Variants in NAA38 observed in about 807,000 individuals in gnomAD.
The protein encoded by NAA38 is N-alpha-acetyltransferase 38, NatC auxiliary subunit, also known as LSM domain containing 1.
Under a neutral mutation model 12.6 loss-of-function variants are expected in NAA38, and 15 were observed. That is an observed-to-expected ratio of 1.19 (90% CI 0.79 to 1.83). NAA38 has a LOEUF of 1.83. Among genes scored for constraint, NAA38 ranks in the 40% most tolerant of loss-of-function variants. The pLI is 0.00. For synonymous variants in NAA38, 88 were observed against 69.9 expected (o/e 1.26, Z -1.29); for missense variants, 183 against 171.7 (o/e 1.07, Z -0.37).
chr17:7,857,294 C>A, intron 1 of NAA38, 89 bp downstream of exon 1: 1 of 1,612,290 alleles, frequency 6.2e-7, no homozygotes, highest in Non-Finnish European at 8.5e-7. Context: ...TCACACAAAG[C>A]CCAGAGGCTG....
rs1423253990 is a variant in NAA38, at chr17:7,856,828, C to A, written c.281G>T (p.Gly94Val). The A allele has an allele frequency of 1.2e-6, 2 of 1,613,804 alleles. No homozygotes were observed. The highest frequency in any genetic ancestry group is 1.7e-6 in the Non-Finnish European group (2 of 1,179,986). ...GGCCAGGCCCAGCACACGGGGCTCC[C>A]CGGCAGAGAAGGAATCTGGAAAGAA... ...FLKPSDSFSA[G>V]EPRVLGLAMV... The change falls in exon 3 of 3, where the codon GGG (glycine) becomes GTG (valine). Residue 94 changes from glycine (G) to valine (V), a missense_variant. By Grantham distance (109) the Gly-to-Val change is moderately radical. Transcript: ENST00000575771.
chr17:7,868,074 A>C (rs1183154597), intron 2 of NAA38, among the ~76,000 whole-genome samples: 1 of 152,222 alleles, frequency 6.6e-6, no homozygotes, highest in African/African-American at 2.4e-5. Context: ...CCTGAAAGAC[A>C]GCTCTGGGCT....
chr17:7,858,108 G>A (rs758752298), upstream of NAA38: 2 of 1,612,230 alleles, frequency 1.2e-6, no homozygotes, highest in Admixed American at 3.3e-5. Context: ...GTAACCAAGA[G>A]ATCCAGTGAC....
chr17:7,885,067 G>GCCGCCC (rs1346662568), intron 1 of NAA38: 13 of 981,556 alleles, frequency 1.3e-5, no homozygotes, highest in African/African-American at 3.6e-5. Context: ...CCCCGCCGCC[G>GCCGCCC]CCGCCCCCGC....
chr17:7,877,175 A>G, intron 2 of NAA38: 2 of 238,558 alleles, frequency 8.4e-6, no homozygotes, highest in Non-Finnish European at 8.7e-6. Context: ...CATAAATAAT[A>G]AATACTTTCT....
intron 1 of NAA38, 26 bp from the exon 2 acceptor site, chr17:7,857,224 G>A (rs143353877): frequency 3.1e-6 from 5 of 1,612,310 alleles, no homozygotes; most frequent in African/African-American, 2.7e-5. Flanking sequence ...CAAGCGCTCA[G>A]ACCGCGCAGC....
chr17:7,873,200 G>C (rs1597881339), intron 2 of NAA38, among the ~76,000 whole-genome samples: 1 of 152,188 alleles, frequency 6.6e-6, no homozygotes, highest in Non-Finnish European at 1.5e-5. Flanking sequence ...CCAAGCCCAG[G>C]TTCTTAAGTA....
intron 2 of NAA38, 70 bp from the exon 3 acceptor site, chr17:7,856,913 G>A: frequency 1.3e-6 from 2 of 1,592,832 alleles, no homozygotes; most frequent in Non-Finnish European, 1.7e-6. Context: ...CCACGAAAAC[G>A]AGCCCCAGAA....
intron 2 of NAA38, among the ~76,000 whole-genome samples, chr17:7,877,735 T>C (rs1398363853): frequency 6.6e-6 from 1 of 152,254 alleles, no homozygotes; most frequent in Admixed American, 6.5e-5. Context: ...GTATAACACA[T>C]ACTATTAAAT....
chr17:7,859,296 T>C, upstream of NAA38: 1 of 1,089,456 alleles, frequency 9.2e-7, no homozygotes, highest in Non-Finnish European at 1.4e-6. Flanking sequence ...AGCTGCTATC[T>C]GCCAAGGGAG....
At chr17:7,866,529 T>G in exon 3 of NAA38, 1 of 1,231,504 alleles carries the variant, frequency 8.1e-7, no homozygotes, top group African/African-American at 1.6e-5. Flanking sequence ...TTCAGGCTCT[T>G]CTTTGTCTCC....
intron 2 of NAA38, among the ~76,000 whole-genome samples, chr17:7,874,265 C>G (rs189791848): frequency 1.9e-4 from 29 of 151,978 alleles, no homozygotes; most frequent in Non-Finnish European, 5.9e-5. Context: ...AAAGTTGTGG[C>G]CCAAGTTGGG....
intron 2 of NAA38, among the ~76,000 whole-genome samples, chr17:7,879,793 T>C (rs1450488521): frequency 8.6e-5 from 13 of 151,934 alleles, no homozygotes; most frequent in Non-Finnish European, 1.0e-4. Flanking sequence ...AGCTAGACAG[T>C]GAGACACACA....
chr17:7,858,257 C>T (rs762903369), upstream of NAA38: 2 of 1,613,856 alleles, frequency 1.2e-6, no homozygotes, highest in Non-Finnish European at 1.7e-6. Flanking sequence ...ACCTGGGACG[C>T]GTGTACGACC....
upstream of NAA38, chr17:7,858,825 G>A: frequency 3.9e-6 from 6 of 1,529,150 alleles, no homozygotes; most frequent in Non-Finnish European, 5.3e-6. Context: ...CACACTGGAG[G>A]TGAGAACTGG....
At chr17:7,884,910 AGGT>A (rs1967506423) in intron 1 of NAA38, 2 of 1,289,218 alleles carry the variant, frequency 1.6e-6, no homozygotes, top group Non-Finnish European at 2.0e-6. Flanking sequence ...GAGGAGGAGG[AGGT>A]GGAGGCGGCC....
intron 2 of NAA38, among the ~76,000 whole-genome samples, chr17:7,873,437 G>A (rs1195677319): frequency 6.6e-6 from 1 of 152,212 alleles, no homozygotes. Context: ...GGGGCAGAGG[G>A]CTGGAAAATG....
chr17:7,876,277 C>T (rs1481099912), intron 2 of NAA38, among the ~76,000 whole-genome samples: 1 of 152,102 alleles, frequency 6.6e-6, no homozygotes, highest in Non-Finnish European at 1.5e-5. Flanking sequence ...CTGAAGCTGT[C>T]TGCCTACTCT....
chr17:7,872,418 G>C (rs570705693), intron 2 of NAA38, among the ~76,000 whole-genome samples: 135 of 152,348 alleles, frequency 8.9e-4, no homozygotes, highest in Non-Finnish European at 1.6e-3. Context: ...TGCCCAGGCT[G>C]GAGTGCAGTG....
Sources: gnomAD v4.1 joint callset for allele counts (sites outside exome capture counted in the v4.1 genomes callset) on GRCh38, gnomAD v4.1.1 for gene constraint, MANE v1.5 for transcripts, NCBI Gene and HGNC (gene_info 2026-07-23, HGNC 2026-07-21) for gene names.